COL4A2: variants seen among roughly 807,000 people sequenced by gnomAD.
The protein encoded by COL4A2 is collagen type IV alpha 2 chain, also known as collagen alpha-2(IV) chain.
In COL4A2, 99 loss-of-function variants were observed where a neutral mutation model predicts 200.2. The ratio of observed to expected loss-of-function variants is 0.49; its 90% CI spans 0.42 to 0.58. The LOEUF (loss-of-function observed/expected upper bound fraction) is 0.58, where lower values mean the gene tolerates loss of function less well. COL4A2 is among the 20% of genes least tolerant of loss of function. The pLI is 0.00. For synonymous variants in COL4A2, 897 were observed against 900.6 expected (o/e 1.00, Z 0.07); for missense variants, 1,950 against 2,314.1 (o/e 0.84, Z 3.23).
rs753627983 is a variant in COL4A2, at chr13:110,365,147, C to CT, written c.180+7605dup. ...GTTTTTCAAGGCATTTTCTCTCTTG[C>CT]TTTTTTTTTTCGAGGCGGAGTTTCG... is the stretch of plus-strand genomic sequence containing the variant. On this transcript the variant is annotated intron_variant, in intron 4 of 47. Transcript: ENST00000360467. 6.4e-4 allele frequency among the ~76,000 whole-genome samples: 96 copies of CT among 149,268 alleles called. 1 individual carries two copies. Among genetic ancestry groups the CT allele is most frequent in the Admixed American group, 1.2e-3 (18 of 14,914 alleles).
intron 12 of COL4A2, 109 bp from the exon 13 acceptor site, chr13:110,436,160 T>C: frequency 6.7e-7 from 1 of 1,486,260 alleles, no homozygotes; most frequent in Non-Finnish European, 9.4e-7. Flanking sequence ...ATATGGTAAG[T>C]AATATGCAAA....
chr13:110,339,692 GA>G (rs1445203164), intron 3 of COL4A2, among the ~76,000 whole-genome samples: 6 of 152,190 alleles, frequency 3.9e-5, no homozygotes, highest in African/African-American at 1.4e-4. Flanking sequence ...TCTGATCTTT[GA>G]ACCTGGTATC....
intron 27 of COL4A2, 140 bp from the exon 28 acceptor site, chr13:110,469,077 T>G (rs527780392): frequency 1.3e-5 from 11 of 840,492 alleles, no homozygotes; most frequent in Non-Finnish European, 2.0e-5. Flanking sequence ...AGCCTGGAGG[T>G]GCTGTTTCAG....
At position 110,318,569 on chromosome 13, in the gene COL4A2, C is replaced by A. The variant is rs573405524; in HGVS notation, c.99+10446C>A. ...GGCATGGGCCCCACAGAAATAGGGC[C>A]AGCTGGGGTCTTGGGTTCGAAACTG... On this transcript the variant is annotated intron_variant, in intron 3 of 47. Transcript: ENST00000360467. Among the ~76,000 whole-genome samples the A allele has an allele frequency of 1.8e-4, 28 of 152,298 alleles. No individual in the cohort carries two copies. In the South Asian group the frequency reaches 5.8e-3, roughly 32 times the overall value.
intron 3 of COL4A2, among the ~76,000 whole-genome samples, chr13:110,343,398 G>C (rs1411955253): frequency 6.6e-6 from 1 of 152,176 alleles, no homozygotes; most frequent in Non-Finnish European, 1.5e-5. Flanking sequence ...TACCGAGTGT[G>C]AGTTCACAGC....
chr13:110,332,848 C>G (rs1221418646), intron 3 of COL4A2, among the ~76,000 whole-genome samples: 1 of 152,232 alleles, frequency 6.6e-6, no homozygotes, highest in Non-Finnish European at 1.5e-5. Flanking sequence ...TTACTTTCAG[C>G]AATGGTGAAG....
At chr13:110,372,732 G>C (rs976499940) in intron 4 of COL4A2, among the ~76,000 whole-genome samples, 1 of 152,182 alleles carries the variant, frequency 6.6e-6, no homozygotes, top group Non-Finnish European at 1.5e-5. Context: ...CCACTACAGT[G>C]AAGCAAATAT....
chr13:110,347,712 C>G (rs1019681718), intron 3 of COL4A2, among the ~76,000 whole-genome samples: 6 of 152,228 alleles, frequency 3.9e-5, no homozygotes, highest in African/African-American at 1.2e-4. Flanking sequence ...CCGTCAGGAC[C>G]CAAGCTCCAG....
At chr13:110,488,305 C>T (rs1449146578) in intron 34 of COL4A2, among the ~76,000 whole-genome samples, 3 of 152,154 alleles carry the variant, frequency 2.0e-5, no homozygotes, top group Admixed American at 2.0e-4. Flanking sequence ...GATTCTAGGC[C>T]TGAGCCACCA....
chr13:110,326,067 T>G (rs1001536750), intron 3 of COL4A2, among the ~76,000 whole-genome samples: 2 of 152,192 alleles, frequency 1.3e-5, no homozygotes, highest in African/African-American at 4.8e-5. Flanking sequence ...ATTACGGGCA[T>G]GAGCCACCAA....
At chr13:110,377,923 C>G (rs924875322) in intron 4 of COL4A2, among the ~76,000 whole-genome samples, 6 of 152,160 alleles carry the variant, frequency 3.9e-5, no homozygotes, top group Admixed American at 3.9e-4. Flanking sequence ...CAAAATGTTT[C>G]TCTTATTAGC....
intron 47 of COL4A2, among the ~76,000 whole-genome samples, chr13:110,510,373 C>T (rs761320425): frequency 9.8e-5 from 15 of 152,360 alleles, no homozygotes; most frequent in Non-Finnish European, 2.2e-4. Flanking sequence ...GCAGAGGCTA[C>T]AAGTATCTAG....
intron 4 of COL4A2, among the ~76,000 whole-genome samples, chr13:110,367,359 G>T (rs1594172826): frequency 6.6e-6 from 1 of 152,210 alleles, no homozygotes; most frequent in East Asian, 1.9e-4. Flanking sequence ...CTATTAAATT[G>T]TTGTCTTTGT....
chr13:110,339,741 C>T (rs1876364313), intron 3 of COL4A2, among the ~76,000 whole-genome samples: 1 of 152,172 alleles, frequency 6.6e-6, no homozygotes, highest in Non-Finnish European at 1.5e-5. Flanking sequence ...ATAATAGATG[C>T]TCAGTAAACT....
Position 110,487,723 on chromosome 13 carries a change from C to T in COL4A2, c.3208-1722C>T, listed in dbSNP as rs182241484. ...TATGTTGAACAAAATAAACCAGAAA[C>T]AGAAAAGTACACGATTCAGTTTCAT... On this transcript the variant is annotated intron_variant, in intron 34 of 47. Coordinates refer to ENST00000360467, the MANE Select transcript of COL4A2 (RefSeq NM_001846.4). 1.4e-4 allele frequency among the ~76,000 whole-genome samples: 21 copies of T among 152,212 alleles called. No homozygotes were observed. The East Asian group carries it at 1.9e-3, about 14-fold the overall frequency.
At chr13:110,457,698 G>A (rs754844833) in intron 21 of COL4A2, 3 of 623,464 alleles carry the variant, frequency 4.8e-6, no homozygotes, top group South Asian at 4.5e-5. Flanking sequence ...TAGCAGCAGT[G>A]AGCCTGATGC....
At chr13:110,418,919 A>T (rs725929) in intron 4 of COL4A2, among the ~76,000 whole-genome samples, 1 of 152,354 alleles carries the variant, frequency 6.6e-6, no homozygotes, top group South Asian at 2.1e-4. Flanking sequence ...CCATCCTCAA[A>T]ATCAACGAAT....
At chr13:110,493,956 C>A (rs1028873632) in intron 39 of COL4A2, among the ~76,000 whole-genome samples, 3 of 152,180 alleles carry the variant, frequency 2.0e-5, no homozygotes, top group Non-Finnish European at 4.4e-5. Context: ...AATCACCTCC[C>A]AAAGGCCCCT....
At chr13:110,498,211 T>C (rs975471294) in intron 40 of COL4A2, among the ~76,000 whole-genome samples, 3 of 152,236 alleles carry the variant, frequency 2.0e-5, no homozygotes, top group Non-Finnish European at 4.4e-5. Flanking sequence ...CTTGTGAGTA[T>C]TGGGAGGATA....
Sources: gnomAD v4.1 joint callset for allele counts (sites outside exome capture counted in the v4.1 genomes callset) on GRCh38, gnomAD v4.1.1 for gene constraint, MANE v1.5 for transcripts, NCBI Gene and HGNC (gene_info 2026-07-23, HGNC 2026-07-21) for gene names.